TPM3: variants seen among roughly 807,000 people sequenced by gnomAD.
TPM3 encodes the protein tropomyosin alpha-3 chain.
In TPM3, 16 loss-of-function variants were observed where a neutral mutation model predicts 43.1. The observed-to-expected ratio is 0.37, with a 90% CI of 0.25 to 0.56. The LOEUF is 0.56. Among genes scored for constraint, TPM3 ranks in the 20% least tolerant of loss-of-function variants. The pLI is 0.77. For synonymous variants in TPM3, 101 were observed against 116.9 expected, an observed-to-expected ratio of 0.86 and a Z score of 0.88; for missense variants, 176 against 337.2, an observed-to-expected ratio of 0.52 and a Z score of 3.74.
At chr1:154,159,531 T>C (rs1050663195), downstream of TPM3, among the ~76,000 whole-genome samples, 1 of 152,238 alleles carries the variant, frequency 6.6e-6, no homozygotes, top group Admixed American at 6.5e-5. Flanking sequence ...ACTCCTATAC[T>C]TTCTAATGCT....
At chr1:154,188,485 C>T (rs1340944764) in intron 2 of TPM3, among the ~76,000 whole-genome samples, 4 of 150,862 alleles carry the variant, frequency 2.7e-5, no homozygotes, top group African/African-American at 9.9e-5. Context: ...ACCATCCTGG[C>T]TAACACGGTG....
chr1:154,178,116 C>G (rs879485219), intron 2 of TPM3: 10 of 985,286 alleles, frequency 1.0e-5, no homozygotes, highest in Non-Finnish European at 1.2e-5. Context: ...TGACTTACCC[C>G]CCTCAGACGA....
At chr1:154,170,234 A>G in intron 8 of TPM3, 166 bp downstream of exon 8, 2 of 701,916 alleles carry the variant, frequency 2.8e-6, no homozygotes, top group East Asian at 2.7e-5. Flanking sequence ...AACCAATTCT[A>G]GAGTTTGACC....
chr1:154,166,655 G>A lies in TPM3; in HGVS notation c.*1282C>T. The A allele has an allele frequency of 9.7e-7, 1 of 1,028,608 alleles. No homozygotes were observed. The highest frequency in any genetic ancestry group is 1.2e-6 in the Non-Finnish European group (1 of 856,386). 63.7% of individuals were successfully genotyped at this position (1,028,608 alleles called of 1,614,324 possible). On this transcript the variant is annotated 3_prime_UTR_variant, in exon 10 of 10. Transcript: ENST00000651641. Reference sequence around the variant, plus strand: ...GTATAATTCACAGCTATACTATTAAGAAATCTCTGCTGTGTAAATTGGAAT... The same window carrying A: ...GTATAATTCACAGCTATACTATTAAAAAATCTCTGCTGTGTAAATTGGAAT...
downstream of TPM3, chr1:154,158,910 T>C (rs1298007670): frequency 2.6e-6 from 2 of 776,124 alleles, no homozygotes; most frequent in Non-Finnish European, 4.8e-6. Context: ...TTTGTTGGGG[T>C]CCAGGTCAGT....
At position 154,179,569 on chromosome 1, in the gene TPM3, G is replaced by A. The variant is rs541920383; in HGVS notation, c.244-3321C>T. On this transcript the variant is annotated intron_variant, in intron 2 of 9. Coordinates refer to ENST00000651641, the MANE Select transcript of TPM3 (RefSeq NM_152263.4). ...CTTTTTGAGGCAGAGGTAGTGTGCTGACCTTACACTCCCGCAGTTGACCCC... is the reference window on the plus strand; with the variant it reads ...CTTTTTGAGGCAGAGGTAGTGTGCTAACCTTACACTCCCGCAGTTGACCCC... 8.6e-5 allele frequency among the ~76,000 whole-genome samples: 13 copies of A among 151,822 alleles called. No individual in the cohort carries two copies. In the South Asian group the frequency reaches 2.7e-3, roughly 32 times the overall value.
intron 6 of TPM3, 44 bp downstream of exon 6, chr1:154,171,369 G>T: frequency 6.2e-7 from 1 of 1,607,140 alleles, no homozygotes; most frequent in East Asian, 2.2e-5. Flanking sequence ...GGCAGGGCTG[G>T]GCCCAGGCCC....
intron 2 of TPM3, among the ~76,000 whole-genome samples, chr1:154,184,826 AT>A (rs1663330123): frequency 6.6e-6 from 1 of 152,010 alleles, no homozygotes; most frequent in Admixed American, 6.6e-5. Context: ...AGGTGGGAAG[AT>A]TTCTTGAGCC....
Position 154,172,908 on chromosome 1 carries a change from G to T in TPM3, c.566C>A (p.Ser189Tyr). 6.2e-7 allele frequency: 1 copy of T among 1,614,148 alleles called. No homozygotes were observed. Among genetic ancestry groups the T allele is most frequent in the South Asian group, 1.1e-5 (1 of 91,064 alleles). The stretch of plus-strand genomic sequence containing the variant: ...AAGATTTGGGGAGCTAGATACTCAC[G>T]ACTCTGCCAGCTCAGCTCGTTCCTC... ...RTEERAELAESKCSELEEELK... is the reference protein window; with the variant it reads ...RTEERAELAEYKCSELEEELK... The change falls in exon 5 of 10, where the codon TCT becomes TAT. Residue 189 changes from serine to tyrosine, a missense_variant and splice_region_variant. Physicochemically the swap from Ser to Tyr is moderately radical, Grantham distance 144. Coordinates refer to ENST00000651641, the MANE Select transcript of TPM3 (RefSeq NM_152263.4).
At chr1:154,172,114 A>G (rs762587675) in intron 5 of TPM3, 4 of 1,614,158 alleles carry the variant, frequency 2.5e-6, no homozygotes, top group Non-Finnish European at 3.4e-6. Flanking sequence ...GCTGTTAGTG[A>G]TAGTCACGGG....
At chr1:154,177,059 T>C in intron 2 of TPM3, among the ~76,000 whole-genome samples, 1 of 151,700 alleles carries the variant, frequency 6.6e-6, no homozygotes, top group African/African-American at 2.4e-5. Context: ...CTATGATCAC[T>C]TTACCCTAAC....
chr1:154,159,149 A>AT (rs1447195087), downstream of TPM3: 1 of 722,218 alleles, frequency 1.4e-6, no homozygotes, highest in Non-Finnish European at 2.6e-6. Flanking sequence ...GAAGTAAATT[A>AT]TGAGTCTTTC....
intron 2 of TPM3, among the ~76,000 whole-genome samples, chr1:154,181,290 T>G (rs1662914411): frequency 6.6e-6 from 1 of 152,206 alleles, no homozygotes; most frequent in Admixed American, 6.5e-5. Context: ...GTATTTAAAC[T>G]GGAGGGCAGC....
chr1:154,187,669 C>A (rs1663466513), intron 2 of TPM3, among the ~76,000 whole-genome samples: 1 of 151,508 alleles, frequency 6.6e-6, no homozygotes, highest in South Asian at 2.1e-4. Flanking sequence ...CTTTTATATT[C>A]CTAATGATTT....
rs1203258070 is a variant in TPM3, at chr1:154,172,918, G to A, written c.556C>T (p.Leu186=). Residue 186 remains leucine (L), a synonymous_variant, in exon 5 of 10, where the codon CTG becomes TTG. Transcript: ENST00000651641. ...DLERTEERAE[L]AESKCSELEE... ...GAGCTAGATACTCACGACTCTGCCA[G>A]CTCAGCTCGTTCCTCTGTGCGTTCC... 3.7e-6 allele frequency: 6 copies of A among 1,614,176 alleles called. No individual in the cohort carries two copies. The highest frequency in any genetic ancestry group is 5.1e-6 in the Non-Finnish European group (6 of 1,180,034).
chr1:154,183,262 C>T (rs1571443281), intron 2 of TPM3: 2 of 1,520,374 alleles, frequency 1.3e-6, no homozygotes, highest in Non-Finnish European at 8.8e-7. Context: ...CCCTCTGCCG[C>T]GCCCTCCCAC....
intron 1 of TPM3, 53 bp from the exon 2 acceptor site, chr1:154,191,364 G>T: frequency 6.2e-7 from 1 of 1,611,334 alleles, no homozygotes; most frequent in African/African-American, 1.3e-5. Context: ...AACAATGCAG[G>T]GTTGGACCCT....
chr1:154,171,663 T>C (rs897243641), intron 5 of TPM3, 175 bp from the exon 6 acceptor site: 19 of 740,240 alleles, frequency 2.6e-5, no homozygotes, highest in African/African-American at 3.5e-5. Flanking sequence ...CCCTCTACCA[T>C]AGAACGTGTC....
At chr1:154,173,664 C>T (rs1344559879) in intron 3 of TPM3, among the ~76,000 whole-genome samples, 1 of 79,726 alleles carries the variant, frequency 1.3e-5, no homozygotes, top group South Asian at 4.1e-4. Flanking sequence ...AACTCCGTCT[C>T]AAAAAAAAAA....
Sources: gnomAD v4.1 joint callset for allele counts (sites outside exome capture counted in the v4.1 genomes callset) on GRCh38, gnomAD v4.1.1 for gene constraint, MANE v1.5 for transcripts, NCBI Gene and HGNC (gene_info 2026-07-23, HGNC 2026-07-21) for gene names.